PSAP: variants seen among roughly 807,000 people sequenced by gnomAD.
PSAP encodes the protein precursor of saposins.
In PSAP, 25 loss-of-function variants were observed where a neutral mutation model predicts 66.0. That is an observed-to-expected ratio of 0.38 (90% CI 0.28 to 0.53). The LOEUF (loss-of-function observed/expected upper bound fraction) is 0.53. PSAP is among the 20% of genes least tolerant of loss of function. The pLI, the probability that PSAP is intolerant of heterozygous loss-of-function variation, is 0.83. For synonymous variants in PSAP, 273 were observed against 258.9 expected (o/e 1.05, Z -0.52); for missense variants, 649 against 668.8 (o/e 0.97, Z 0.33).
intron 1 of PSAP, among the ~76,000 whole-genome samples, chr10:71,842,442 G>A (rs985047381): frequency 6.6e-6 from 1 of 152,164 alleles, no homozygotes; most frequent in African/African-American, 2.4e-5. Flanking sequence ...AACACTGACA[G>A]TTTAACTTAT....
intron 1 of PSAP, among the ~76,000 whole-genome samples, chr10:71,847,057 C>T (rs969789074): frequency 6.6e-6 from 1 of 152,226 alleles, no homozygotes; most frequent in Non-Finnish European, 1.5e-5. Flanking sequence ...ATCCCATGGT[C>T]TCACTCACCA....
At chr10:71,829,496 G>A (rs1842469047) in intron 4 of PSAP, among the ~76,000 whole-genome samples, 1 of 152,158 alleles carries the variant, frequency 6.6e-6, no homozygotes, top group Admixed American at 6.5e-5. Flanking sequence ...ATGCTCTCTT[G>A]CCTGCTGCCA....
rs1204191362 is a variant in PSAP, at chr10:71,828,926, G to A, written c.527C>T (p.Pro176Leu). The A allele has an allele frequency of 3.1e-6, 5 of 1,614,124 alleles. No individual in the cohort carries two copies. The highest frequency in any genetic ancestry group is 3.3e-5 in the Admixed American group (2 of 60,028). Residue 176 changes from proline to leucine, a missense_variant, in exon 5 of 14, where the codon CCT (proline) becomes CTT (leucine). Transcript: ENST00000394936. ...EVVAPFMANI[P>L]LLLYPQDGPR... is the part of the protein sequence containing the mutation. ...GCCGTCCTGAGGGTAGAGGAGGAGAGGGATGTTGGCCATGAAGGGGGCCAC... is the reference window on the plus strand; with the variant it reads ...GCCGTCCTGAGGGTAGAGGAGGAGAAGGATGTTGGCCATGAAGGGGGCCAC...
chr10:71,818,964 T>C, intron 12 of PSAP, 67 bp downstream of exon 12: 4 of 1,463,986 alleles, frequency 2.7e-6, no homozygotes, highest in African/African-American at 1.4e-5. Flanking sequence ...AGAGCAACCC[T>C]TCCGGGTCTC....
At chr10:71,818,011 A>G (rs1039620639) in intron 13 of PSAP, among the ~76,000 whole-genome samples, 1 of 152,206 alleles carries the variant, frequency 6.6e-6, no homozygotes, top group Non-Finnish European at 1.5e-5. Flanking sequence ...AAATGACACA[A>G]CCGCCACTGA....
Position 71,818,868 on chromosome 10 carries a change from A to G in PSAP, c.1432-144T>C, listed in dbSNP as rs1053206067. 9.7e-6 allele frequency: 10 copies of G among 1,029,602 alleles called. 1 individual carries two copies. Among genetic ancestry groups the G allele is most frequent in the African/African-American group, 1.6e-5 (1 of 62,880 alleles). 63.8% of individuals were successfully genotyped at this position (1,029,602 alleles called of 1,614,324 possible). ...TTCAGAACATCAGGGTTGCTGAGGAAAGCGATGGGGCTTGGGGGGCTGGCT... is the reference window on the plus strand; with the variant it reads ...TTCAGAACATCAGGGTTGCTGAGGAGAGCGATGGGGCTTGGGGGGCTGGCT... On this transcript the variant is annotated intron_variant, in intron 12 of 13. Coordinates refer to ENST00000394936, the MANE Select transcript of PSAP (RefSeq NM_002778.4).
intron 1 of PSAP, among the ~76,000 whole-genome samples, chr10:71,839,355 T>C (rs1842686814): frequency 1.3e-5 from 2 of 152,080 alleles, no homozygotes; most frequent in African/African-American, 4.8e-5. Context: ...TTCTCCTGCC[T>C]CAGCCTCCCA....
intron 6 of PSAP, 41 bp from the exon 7 acceptor site, chr10:71,825,934 C>A: frequency 1.3e-6 from 2 of 1,566,888 alleles, no homozygotes; most frequent in Non-Finnish European, 1.8e-6. Context: ...ATCACTGCAA[C>A]AATGCACCAA....
chr10:71,838,435 C>CAT (rs3061818), intron 1 of PSAP, among the ~76,000 whole-genome samples: 83,888 of 151,532 alleles, frequency 0.55, 23,545 homozygotes, highest in Non-Finnish European at 0.6. Context: ...CAGAGACACG[C>CAT]GGTCATCTCC....
chr10:71,841,565 T>C (rs912176226), intron 1 of PSAP, among the ~76,000 whole-genome samples: 1 of 152,068 alleles, frequency 6.6e-6, no homozygotes, highest in Admixed American at 6.6e-5. Context: ...TTAAATGAAT[T>C]AATGTTCAAT....
intron 1 of PSAP, among the ~76,000 whole-genome samples, chr10:71,834,964 C>G (rs954961500): frequency 6.6e-6 from 1 of 152,006 alleles, no homozygotes; most frequent in African/African-American, 2.4e-5. Context: ...AGGCTGGGCA[C>G]GGTGGCTCAC....
At chr10:71,828,398 G>A (rs182902771) in intron 5 of PSAP, among the ~76,000 whole-genome samples, 1 of 152,278 alleles carries the variant, frequency 6.6e-6, no homozygotes, top group East Asian at 1.9e-4. Flanking sequence ...GCTCACACCT[G>A]TAATCCCAGC....
At chr10:71,820,644 C>T (rs116904408) in intron 8 of PSAP, among the ~76,000 whole-genome samples, 3,200 of 150,972 alleles carry the variant, frequency 0.021, 45 homozygotes, top group Non-Finnish European at 0.024. Context: ...ATGATGTGTT[C>T]GGTTACAATC....
At chr10:71,832,142 C>T (rs975568466) in intron 2 of PSAP, among the ~76,000 whole-genome samples, 1 of 152,174 alleles carries the variant, frequency 6.6e-6, no homozygotes, top group Non-Finnish European at 1.5e-5. Context: ...TTACAGGACA[C>T]AGAACCTTTG....
intron 1 of PSAP, among the ~76,000 whole-genome samples, chr10:71,835,185 T>C (rs1842596688): frequency 6.6e-6 from 1 of 151,616 alleles, no homozygotes; most frequent in South Asian, 2.1e-4. Flanking sequence ...GAGCTGGCAG[T>C]GAGCCTGGGT....
At chr10:71,818,525 A>G (rs1842221759) in intron 13 of PSAP, 92 bp downstream of exon 13, 3 of 1,083,402 alleles carry the variant, frequency 2.8e-6, no homozygotes, top group African/African-American at 1.5e-5. Context: ...CAGGGTGGAG[A>G]GTTGATCACT....
rs1428436713 is a variant in PSAP, at chr10:71,829,034, G to A, written c.419C>T (p.Ser140Phe). Reference sequence around the variant, plus strand: ...CAGCTCTGCTAGGTGCTTCTGGAGAGACTCGCAGAGGTTGAGAGCAGAGCA... The same window carrying A: ...CAGCTCTGCTAGGTGCTTCTGGAGAAACTCGCAGAGGTTGAGAGCAGAGCA... ...EVCSALNLCE[S>F]LQKHLAELNH... The change falls in exon 5 of 14, where the codon TCT becomes TTT. Residue 140 changes from serine to phenylalanine, a missense_variant. Ser to Phe is a radical substitution (Grantham distance 155). Coordinates refer to ENST00000394936, the MANE Select transcript of PSAP (RefSeq NM_002778.4). The A allele has an allele frequency of 2.7e-5, 44 of 1,614,052 alleles. No individual in the cohort carries two copies. The highest frequency in any genetic ancestry group is 3.6e-5 in the Non-Finnish European group (43 of 1,180,032).
intron 4 of PSAP, 146 bp downstream of exon 4, chr10:71,830,980 T>C (rs1026043182): frequency 7.9e-7 from 1 of 1,263,664 alleles, no homozygotes; most frequent in Non-Finnish European, 1.1e-6. Context: ...AAAGGAGCTA[T>C]TCTGGATGTC....
intron 7 of PSAP, chr10:71,822,706 G>A: frequency 2.3e-6 from 1 of 439,522 alleles, no homozygotes; most frequent in South Asian, 1.7e-5. Context: ...TATAGACTCT[G>A]TATATTGTGG....
Sources: allele counts gnomAD v4.1 joint callset (sites outside exome capture counted in the v4.1 genomes callset), GRCh38; gene constraint gnomAD v4.1.1; transcripts MANE v1.5; gene names NCBI Gene and HGNC (gene_info 2026-07-23, HGNC 2026-07-21).